GLI2: variants seen among roughly 807,000 people sequenced by gnomAD.
GLI2 encodes transcription activator GLI2.
Under a neutral mutation model 78.9 loss-of-function variants are expected in GLI2, and 22 were observed. That is an observed-to-expected ratio of 0.28 (90% CI 0.20 to 0.40). The LOEUF (loss-of-function observed/expected upper bound fraction) is 0.40, where lower values mean the gene tolerates loss of function less well. Among genes scored for constraint, GLI2 ranks in the 10% least tolerant of loss-of-function variants. The pLI, the probability that GLI2 is intolerant of heterozygous loss-of-function variation, is 1.00. For synonymous variants in GLI2, 974 were observed against 963.7 expected (o/e 1.01, Z -0.20); for missense variants, 2,097 against 2,213.2 (o/e 0.95, Z 1.05).
intron 1 of GLI2, among the ~76,000 whole-genome samples, chr2:120,751,038 A>ACTGTTGCT (rs1380298922): frequency 3.3e-5 from 5 of 152,138 alleles, no homozygotes; most frequent in Non-Finnish European, 7.4e-5. Flanking sequence ...AGCTGTGGAG[A>ACTGTTGCT]CTGTTGCCGG....
intron 2 of GLI2, among the ~76,000 whole-genome samples, chr2:120,920,350 C>T (rs1679308613): frequency 6.6e-6 from 1 of 152,248 alleles, no homozygotes; most frequent in Non-Finnish European, 1.5e-5. Context: ...TGGAGGCCGC[C>T]TGGTCATGTT....
Position 120,990,346 on chromosome 2 carries a change from G to T in GLI2, c.4381G>T (p.Ala1461Ser). 2 of 1,613,980 alleles carry T rather than the reference G, an allele frequency of 1.2e-6. No individual in the cohort carries two copies. ...GCGGTCCCAGCCACCACAGCCACAG[G>T]CCTGTCAGGACAGCATCCAGCCCCA... The part of the protein sequence containing the change: ...VMRSQPPQPQ[A>S]CQDSIQPQPL... Residue 1461 changes from alanine to serine, a missense_variant, in exon 14 of 14, where the codon GCC (alanine) becomes TCC (serine). Physicochemically the swap from Ala to Ser is moderately conservative, Grantham distance 99. Coordinates refer to ENST00000361492, the MANE Select transcript of GLI2 (RefSeq NM_001374353.1).
intron 1 of GLI2, among the ~76,000 whole-genome samples, chr2:120,740,961 T>A (rs1682519079): frequency 1.3e-5 from 2 of 152,210 alleles, no homozygotes; most frequent in Admixed American, 1.3e-4. Context: ...CCTGCACTCC[T>A]GTCCCAAGTG....
Position 120,827,355 on chromosome 2 carries a change from GCTA to G in GLI2, c.148+29891_148+29893del, listed in dbSNP as rs1189737389. ...ATACCCATACTGTGTGAATAGGATG[GCTA>G]CTATTAAGAAAAACACTCAGAAAAC... On this transcript the variant is annotated intron_variant, in intron 2 of 13. Coordinates refer to ENST00000361492, the MANE Select transcript of GLI2 (RefSeq NM_001374353.1). Among the ~76,000 whole-genome samples the G allele has an allele frequency of 3.3e-5, 5 of 152,298 alleles. No individual in the cohort carries two copies. In the East Asian group the frequency reaches 7.7e-4, roughly 24 times the overall value.
intron 2 of GLI2, among the ~76,000 whole-genome samples, chr2:120,926,809 T>A (rs1171940262): frequency 6.6e-6 from 1 of 152,212 alleles, no homozygotes; most frequent in Non-Finnish European, 1.5e-5. Context: ...AACTAACAGA[T>A]CCACATAGAT....
At chr2:120,875,333 A>G (rs1234547084) in intron 2 of GLI2, among the ~76,000 whole-genome samples, 1 of 152,228 alleles carries the variant, frequency 6.6e-6, no homozygotes, top group African/African-American at 2.4e-5. Context: ...AGGCCCATAA[A>G]GTGACTTTGG....
At chr2:120,844,782 G>A (rs1416970821) in intron 2 of GLI2, among the ~76,000 whole-genome samples, 1 of 152,196 alleles carries the variant, frequency 6.6e-6, no homozygotes, top group African/African-American at 2.4e-5. Flanking sequence ...TCCTAGCAGA[G>A]ACCCCTCAGT....
intron 8 of GLI2, 104 bp downstream of exon 8, chr2:120,972,167 T>TG (rs1682216935): frequency 7.7e-7 from 1 of 1,292,636 alleles, no homozygotes; most frequent in Non-Finnish European, 1.1e-6. Context: ...GCTGGCTGCC[T>TG]GCATGGATGA....
chr2:120,744,942 A>G (rs1682651814), intron 1 of GLI2, among the ~76,000 whole-genome samples: 2 of 152,182 alleles, frequency 1.3e-5, no homozygotes, highest in African/African-American at 4.8e-5. Context: ...TCTTTTTACT[A>G]TGATGTCCCT....
intron 2 of GLI2, among the ~76,000 whole-genome samples, chr2:120,822,085 C>T (rs1362650450): frequency 2.0e-5 from 3 of 152,228 alleles, no homozygotes; most frequent in African/African-American, 7.2e-5. Flanking sequence ...CCTGCTATGC[C>T]AGTGATAGCT....
chr2:120,797,481 T>C lies in GLI2; in HGVS notation c.148+13T>C, dbSNP rs753388576. On this transcript the variant is annotated intron_variant, in intron 2 of 13. Coordinates refer to ENST00000361492, the MANE Select transcript of GLI2 (RefSeq NM_001374353.1). ...GCTGCCCAAGGAGGTACTTTCTGTT[T>C]CGCACACTTGGAGGGCAGCAGGGGT... 1 of 1,612,640 alleles carries C rather than the reference T, an allele frequency of 6.2e-7. No individual in the cohort carries two copies. Among genetic ancestry groups the C allele is most frequent in the African/African-American group, 1.3e-5 (1 of 74,884 alleles).
chr2:120,968,717 C>T lies in GLI2; in HGVS notation c.647C>T (p.Ser216Phe). Residue 216 changes from serine (S) to phenylalanine (F), a missense_variant, in exon 6 of 14, where the codon TCC (serine) becomes TTC (phenylalanine). Coordinates refer to ENST00000361492, the MANE Select transcript of GLI2 (RefSeq NM_001374353.1). ...LHDYLNPVDV[S>F]RFSSPRVTPR... ...TCTTGTGTTGACTATCCCACAGTGT[C>T]CCGTTTCTCCAGCCCGCGGGTGACG... 2 of 1,611,610 alleles carry T rather than the reference C, an allele frequency of 1.2e-6. No homozygotes were observed. Among genetic ancestry groups the T allele is most frequent in the Non-Finnish European group, 1.7e-6 (2 of 1,178,668 alleles).
At chr2:120,736,483 C>T (rs114794056) in intron 1 of GLI2, among the ~76,000 whole-genome samples, 198 bp downstream of exon 1, 2 of 151,900 alleles carry the variant, frequency 1.3e-5, no homozygotes, top group African/African-American at 4.8e-5. Context: ...GGGCTCTGGA[C>T]GAGCAGGGCG....
At chr2:120,927,727 C>T (rs562117658) in intron 3 of GLI2, among the ~76,000 whole-genome samples, 1 of 152,342 alleles carries the variant, frequency 6.6e-6, no homozygotes, top group Admixed American at 6.5e-5. Flanking sequence ...TGTATCTATA[C>T]ATGGTTTGGA....
chr2:120,966,250 C>T (rs1008127982), intron 5 of GLI2, among the ~76,000 whole-genome samples: 27 of 152,284 alleles, frequency 1.8e-4, no homozygotes, highest in African/African-American at 6.5e-4. Flanking sequence ...CACAGCAACC[C>T]CAGAGCTGGC....
At chr2:120,788,652 A>G (rs567643370) in intron 1 of GLI2, among the ~76,000 whole-genome samples, 81 of 152,238 alleles carry the variant, frequency 5.3e-4, no homozygotes, top group Non-Finnish European at 9.8e-4. Context: ...AGGGTTAATT[A>G]TCTGTTTTCC....
intron 2 of GLI2, among the ~76,000 whole-genome samples, chr2:120,835,902 T>A (rs1686589631): frequency 6.6e-6 from 1 of 151,958 alleles, no homozygotes; most frequent in Non-Finnish European, 1.5e-5. Context: ...GCAGCTTAAC[T>A]TTTTTTTGCC....
chr2:120,800,967 T>C lies in GLI2; in HGVS notation c.148+3499T>C, dbSNP rs1451912814. Among the ~76,000 whole-genome samples, 11 of 152,140 alleles carry C rather than the reference T, an allele frequency of 7.2e-5. No individual in the cohort carries two copies. Among genetic ancestry groups the C allele is most frequent in the Admixed American group, 2.0e-4 (3 of 15,276 alleles). On this transcript the variant is annotated intron_variant, in intron 2 of 13. Coordinates refer to ENST00000361492, the MANE Select transcript of GLI2 (RefSeq NM_001374353.1). This position sits in a 1 kb window ranked among gnomAD's most constrained non-coding sequence, Gnocchi z 4.1. ...GCTGTTTCCTGGCATCTGTAAGGTATCCAGATGTGGGGGCACCCTGCATTC... is the reference window on the plus strand; with the variant it reads ...GCTGTTTCCTGGCATCTGTAAGGTACCCAGATGTGGGGGCACCCTGCATTC...
At chr2:120,830,291 C>T (rs1327072914) in intron 2 of GLI2, among the ~76,000 whole-genome samples, 1 of 152,244 alleles carries the variant, frequency 6.6e-6, no homozygotes, top group Non-Finnish European at 1.5e-5. Context: ...CTTGGCCTAG[C>T]TCCCTCTGCC....
Sources: gnomAD v4.1 joint callset for allele counts (sites outside exome capture counted in the v4.1 genomes callset) on GRCh38, gnomAD v4.1.1 for gene constraint, Gnocchi (gnomAD v3.1) non-coding constraint, MANE v1.5 for transcripts, NCBI Gene and HGNC (gene_info 2026-07-23, HGNC 2026-07-21) for gene names.